The following SPPL2B variants were observed in gnomAD, a reference collection of about 807,000 sequenced individuals.
The protein encoded by SPPL2B is signal peptide peptidase like 2B.
Under a neutral mutation model 59.7 loss-of-function variants are expected in SPPL2B, and 39 were observed. The ratio of observed to expected loss-of-function variants is 0.65; its 90% CI spans 0.51 to 0.85. The LOEUF (loss-of-function observed/expected upper bound fraction) is 0.85. SPPL2B is among the 40% of genes least tolerant of loss of function. SPPL2B has a pLI of 0.00. For missense variants in SPPL2B, 865 were observed against 849.0 expected (o/e 1.02, Z -0.23); for synonymous variants, 419 against 370.8 (o/e 1.13, Z -1.49).
intron 7 of SPPL2B, 34 bp downstream of exon 7, chr19:2,340,206 C>G (rs1467502375): frequency 6.7e-7 from 1 of 1,486,166 alleles, no homozygotes; most frequent in Non-Finnish European, 9.0e-7. Flanking sequence ...ACGTGCCTGA[C>G]TCTGTGCGGT....
intron 13 of SPPL2B, 135 bp from the exon 14 acceptor site, chr19:2,351,299 G>T (rs1427173644): frequency 8.6e-6 from 6 of 699,044 alleles, no homozygotes; most frequent in Non-Finnish European, 1.4e-5. Context: ...CCTGCCGGCT[G>T]AACCCCCACT....
At position 2,332,511 on chromosome 19, in the gene SPPL2B, G is replaced by A. The variant is rs1047266784; in HGVS notation, c.67-2091G>A. Among the ~76,000 whole-genome samples, 4 of 152,242 alleles carry A rather than the reference G, an allele frequency of 2.6e-5. No individual in the cohort carries two copies. The highest frequency in any genetic ancestry group is 9.6e-5 in the African/African-American group (4 of 41,466). ...CGCAGCTCAGCATCCGTTCAGACAT[G>A]TGGCTGCCATCCTGTTCCTGATGAG... On this transcript the variant is annotated intron_variant, in intron 1 of 14. Transcript: ENST00000613503. The surrounding 1 kb of genome is among the most constrained non-coding windows in gnomAD (Gnocchi z 4.6).
intron 13 of SPPL2B, among the ~76,000 whole-genome samples, chr19:2,345,744 G>GCTTCCATT (rs1219892852): frequency 2.0e-5 from 3 of 150,776 alleles, no homozygotes; most frequent in Middle Eastern, 3.5e-3. Flanking sequence ...ATTCTCCCTG[G>GCTTCCATT]GCCTGTGCCT....
At chr19:2,329,309 C>T (rs1968159336) in intron 1 of SPPL2B, among the ~76,000 whole-genome samples, 1 of 152,220 alleles carries the variant, frequency 6.6e-6, no homozygotes. Context: ...ATCCCCGCTC[C>T]ATCTTTTACT....
intron 2 of SPPL2B, among the ~76,000 whole-genome samples, chr19:2,335,028 A>G (rs1968484681): frequency 6.6e-6 from 1 of 152,114 alleles, no homozygotes; most frequent in Admixed American, 6.5e-5. Context: ...AGGGGTCCTC[A>G]GAGGAGTAAC....
At chr19:2,344,821 G>C (rs1156862456) in intron 12 of SPPL2B, among the ~76,000 whole-genome samples, 169 bp downstream of exon 12, 1 of 152,200 alleles carries the variant, frequency 6.6e-6, no homozygotes, top group East Asian at 1.9e-4. Flanking sequence ...TGGGCAGCGA[G>C]GGCATTGCCT....
Position 2,337,471 on chromosome 19 carries a change from C to G in SPPL2B, c.215C>G (p.Ala72Gly). 6.2e-7 allele frequency: 1 copy of G among 1,609,658 alleles called. No individual in the cohort carries two copies. Among genetic ancestry groups the G allele is most frequent in the Non-Finnish European group, 8.5e-7 (1 of 1,177,522 alleles). Residue 72 changes from alanine to glycine, a missense_variant, in exon 3 of 15, where the codon GCC becomes GGC. Transcript: ENST00000613503. ...TTCCTGCAGCTGCGCAACTGGACGG[C>G]CTCCCTGCTCTGCTCCGCAGCCGAC... ...ASFLQLRNWTASLLCSAADLP... is the reference protein window; with the variant it reads ...ASFLQLRNWTGSLLCSAADLP...
rs1970102543 is a variant in SPPL2B at position 2,355,045 on chromosome 19, A to G, written c.*1836A>G. Among the ~76,000 whole-genome samples, 1 of 152,212 alleles carries G rather than the reference A, an allele frequency of 6.6e-6. No homozygotes were observed. Among genetic ancestry groups the G allele is most frequent in the Admixed American group, 6.5e-5 (1 of 15,282 alleles). On this transcript the variant is annotated 3_prime_UTR_variant, in exon 15 of 15. Coordinates refer to ENST00000613503, the MANE Select transcript of SPPL2B (RefSeq NM_152988.3). ...CTGTTGCTGGAAAGCATCACAGACC[A>G]TGTGTAAAATGGGCCAAAATACCTT... is the stretch of plus-strand genomic sequence containing the variant.
At position 2,337,318 on chromosome 19, in the gene SPPL2B, C is replaced by T. The variant is rs554610836; in HGVS notation, c.187-125C>T. The T allele has an allele frequency of 5.5e-4, 503 of 915,266 alleles. 1 individual carries two copies. The highest frequency in any genetic ancestry group is 4.6e-4 in the Non-Finnish European group (287 of 617,816). The allele number at this position is 915,266 out of a possible 1,614,324, so 56.7% of individuals were successfully genotyped here. A position where few individuals can be genotyped will look rare whatever the true frequency, so the allele number is the denominator to read the frequency against. ...ATGGCTCTGCCTAGGTGGGCCGAGG[C>T]CGTGCGGGGCTTTAGGTGAGGGCTG... On this transcript the variant is annotated intron_variant, in intron 2 of 14. Transcript: ENST00000613503.
At chr19:2,344,856 T>A (rs1206025458) in intron 12 of SPPL2B, among the ~76,000 whole-genome samples, 1 of 152,040 alleles carries the variant, frequency 6.6e-6, no homozygotes, top group Non-Finnish European at 1.5e-5. Flanking sequence ...CCCCCTTTGT[T>A]CCTAGGGAGC....
chr19:2,354,226 C>G lies in SPPL2B; in HGVS notation c.*1017C>G, dbSNP rs1181541475. On this transcript the variant is annotated 3_prime_UTR_variant, in exon 15 of 15. Transcript: ENST00000613503. ...CCAGCAGCTAGGAGCTTCTGGAACC[C>G]ACGAGGACATCTGCCACTGGCATGG... 1 of 152,292 alleles carries G rather than the reference C, an allele frequency of 6.6e-6. No individual in the cohort carries two copies. Among genetic ancestry groups the G allele is most frequent in the Non-Finnish European group, 1.5e-5 (1 of 68,112 alleles). 9.4% of individuals were successfully genotyped at this position (152,292 alleles called of 1,614,324 possible). A position where few individuals can be genotyped will look rare whatever the true frequency, so the allele number is the denominator to read the frequency against.
chr19:2,337,610 C>T lies in SPPL2B; in HGVS notation c.354C>T (p.Val118=), dbSNP rs767792629. Reference sequence around the variant, plus strand: ...GCGGAGCACGCGGGCTGCTCATCGTCAGCAGGGAGAGGCTGGTACGGCCCT... The same window carrying T: ...GCGGAGCACGCGGGCTGCTCATCGTTAGCAGGGAGAGGCTGGTACGGCCCT... The part of the protein sequence containing the change: ...QGSGARGLLI[V]SRERLVPPGG... Residue 118 remains valine (V), a synonymous_variant, in exon 3 of 15, where the codon GTC becomes GTT. Transcript: ENST00000613503. 6.3e-6 allele frequency: 10 copies of T among 1,585,702 alleles called. No individual in the cohort carries two copies. Among genetic ancestry groups the T allele is most frequent in the South Asian group, 1.1e-5 (1 of 89,058 alleles).
At chr19:2,328,904 C>A in intron 1 of SPPL2B, 129 bp downstream of exon 1, 2 of 826,008 alleles carry the variant, frequency 2.4e-6, no homozygotes, top group Non-Finnish European at 3.3e-6. Context: ...CCGCCGTCCC[C>A]GCGTTGTCGG....
chr19:2,341,073 TCCTGGG>T, intron 8 of SPPL2B, 59 bp downstream of exon 8: 1 of 1,250,032 alleles, frequency 8.0e-7, no homozygotes, highest in Non-Finnish European at 1.1e-6. Context: ...GCACCAGGGC[TCCTGGG>T]GCCCTGACTC....
chr19:2,350,390 T>G (rs74946741), intron 13 of SPPL2B, among the ~76,000 whole-genome samples: 1 of 86,792 alleles, frequency 1.2e-5, no homozygotes. Flanking sequence ...CACACTCGCG[T>G]TCTCATTCGC....
intron 5 of SPPL2B, 119 bp downstream of exon 5, chr19:2,339,327 G>A (rs951295071): frequency 5.5e-5 from 65 of 1,189,636 alleles, no homozygotes; most frequent in Admixed American, 2.6e-4. Flanking sequence ...GGCTCGCCCC[G>A]TGGAGCCCTT....
At chr19:2,345,798 C>T (rs927846922) in intron 13 of SPPL2B, among the ~76,000 whole-genome samples, 2 of 149,890 alleles carry the variant, frequency 1.3e-5, no homozygotes, top group African/African-American at 4.9e-5. Context: ...TGCCTCCATC[C>T]CCGTCTTTCT....
Position 2,343,017 on chromosome 19 carries a change from C to A in SPPL2B, c.957-194C>A. The stretch of plus-strand genomic sequence containing the variant: ...GGGCCCTGGGGTGGGGCCTGTGCCG[C>A]CAGCCCTGCTGGAGTTGTAACAGCA... On this transcript the variant is annotated intron_variant, in intron 8 of 14. Transcript: ENST00000613503. The A allele has an allele frequency of 6.7e-6, 4 of 593,336 alleles. No individual in the cohort carries two copies. The South Asian group carries it at 7.6e-5, about 11-fold the overall frequency. The allele number at this position is 593,336 out of a possible 1,614,324, so 36.8% of individuals were successfully genotyped here.
intron 11 of SPPL2B, 45 bp from the exon 12 acceptor site, chr19:2,344,508 C>T (rs1448926469): frequency 9.5e-6 from 15 of 1,583,260 alleles, no homozygotes; most frequent in South Asian, 4.5e-5. Flanking sequence ...ATCCCGCGGC[C>T]GGGTGAGGGT....
Sources: allele counts gnomAD v4.1 joint callset (sites outside exome capture counted in the v4.1 genomes callset), GRCh38; gene constraint gnomAD v4.1.1; non-coding constraint Gnocchi (gnomAD v3.1); transcripts MANE v1.5; gene names NCBI Gene and HGNC (gene_info 2026-07-23, HGNC 2026-07-21).